Variants in HK1 observed in about 807,000 individuals in gnomAD.
The protein encoded by HK1 is hexokinase 1, also known as hexokinase-1.
In HK1, 28 loss-of-function variants were observed where a neutral mutation model predicts 91.6. The ratio of observed to expected loss-of-function variants is 0.31; its 90% CI spans 0.23 to 0.42. The LOEUF is 0.42. HK1 is among the 10% of genes least tolerant of loss of function. The pLI, the probability that HK1 is intolerant of heterozygous loss-of-function variation, is 1.00. For missense variants in HK1, 770 were observed against 1,219.8 expected, an observed-to-expected ratio of 0.63 and a Z score of 5.49; for synonymous variants, 430 against 468.1, an observed-to-expected ratio of 0.92 and a Z score of 1.05.
At chr10:69,293,301 G>A (rs1845380321) in intron 3 of HK1, among the ~76,000 whole-genome samples, 1 of 152,270 alleles carries the variant, frequency 6.6e-6, no homozygotes, top group Middle Eastern at 3.4e-3. Flanking sequence ...TGTGCCTGAG[G>A]TTCCCAGCCT....
At chr10:69,363,999 AAC>A (rs1242361810) in intron 3 of HK1, among the ~76,000 whole-genome samples, 1 of 152,216 alleles carries the variant, frequency 6.6e-6, no homozygotes, top group East Asian at 1.9e-4. Flanking sequence ...CGAGTGAAAG[AAC>A]ACAGACACCA....
At chr10:69,300,684 T>C (rs1443822115) in intron 4 of HK1, 4 of 846,360 alleles carry the variant, frequency 4.7e-6, no homozygotes, top group Admixed American at 1.9e-5. Flanking sequence ...TTCGCCAATA[T>C]AACCATGCTT....
At chr10:69,282,947 T>C (rs1470986128) in intron 2 of HK1, among the ~76,000 whole-genome samples, 1 of 139,466 alleles carries the variant, frequency 7.2e-6, no homozygotes, top group African/African-American at 2.6e-5. Flanking sequence ...TGAAACCCCT[T>C]CTCTACTAAA....
intron 8 of HK1, among the ~76,000 whole-genome samples, chr10:69,377,689 A>G (rs1839184763): frequency 6.6e-6 from 1 of 152,236 alleles, no homozygotes; most frequent in Non-Finnish European, 1.5e-5. Flanking sequence ...TATAAAGTAT[A>G]AAAATACAGA....
chr10:69,312,767 G>A (rs1846435651), upstream of HK1, among the ~76,000 whole-genome samples: 1 of 152,202 alleles, frequency 6.6e-6, no homozygotes. Context: ...TCAGATAACG[G>A]GAAGGGGAAG....
In HK1 at chr10:69,369,478, G is replaced by A. The variant is rs1255950920; in HGVS notation, c.729G>A (p.Arg243=). The change falls in exon 7 of 18, where the codon AGG becomes AGA. Residue 243 remains arginine, a synonymous_variant. Coordinates refer to ENST00000359426, the MANE Select transcript of HK1 (RefSeq NM_000188.3). The surrounding 1 kb of genome is among the most constrained non-coding windows in gnomAD (Gnocchi z 4.4). The stretch of plus-strand genomic sequence containing the variant: ...ATGCTTGCTACATGGAGGAACTGAG[G>A]CACATTGATCTGGTGGAAGGAGACG... The part of the protein sequence containing the change: ...GTNACYMEEL[R]HIDLVEGDEG... 2 of 1,614,200 alleles carry A rather than the reference G, an allele frequency of 1.2e-6. No individual in the cohort carries two copies. Among genetic ancestry groups the A allele is most frequent in the Non-Finnish European group, 1.7e-6 (2 of 1,180,042 alleles).
intron 1 of HK1, among the ~76,000 whole-genome samples, chr10:69,336,211 G>C (rs1358216076): frequency 6.6e-6 from 1 of 152,130 alleles, no homozygotes; most frequent in African/African-American, 2.4e-5. Flanking sequence ...GTTTTTTTGA[G>C]ATGGAGTTTC....
At chr10:69,289,461 A>ATTTTTTTT (rs67564699) in intron 3 of HK1, among the ~76,000 whole-genome samples, 1 of 112,786 alleles carries the variant, frequency 8.9e-6, no homozygotes, top group African/African-American at 3.9e-5. Context: ...AAAAAAAAAA[A>ATTTTTTTT]TTTTTTTTTT....
At chr10:69,319,169 A>G (rs1846857776) in intron 1 of HK1, 159 bp downstream of exon 1, 11 of 860,684 alleles carry the variant, frequency 1.3e-5, no homozygotes, top group Non-Finnish European at 2.0e-5. Context: ...CTTCGATTCT[A>G]CCGGCATTGT....
At chr10:69,309,204 CAG>C (rs1846242271) in intron 5 of HK1, among the ~76,000 whole-genome samples, 1 of 147,746 alleles carries the variant, frequency 6.8e-6, no homozygotes, top group Non-Finnish European at 1.5e-5. Flanking sequence ...TTTTTTGAGA[CAG>C]AGTCTCGCTC....
At chr10:69,335,850 C>T (rs754410137) in intron 1 of HK1, among the ~76,000 whole-genome samples, 1 of 152,186 alleles carries the variant, frequency 6.6e-6, no homozygotes. Flanking sequence ...GCCCTGTCAT[C>T]GGACCGGGAG....
intron 8 of HK1, among the ~76,000 whole-genome samples, chr10:69,378,345 C>T (rs1839220266): frequency 6.6e-6 from 1 of 151,848 alleles, no homozygotes; most frequent in African/African-American, 2.4e-5. Flanking sequence ...CCTACAAGAG[C>T]AGATGTTAGA....
At chr10:69,397,839 A>G (rs1840210314) in intron 16 of HK1, among the ~76,000 whole-genome samples, 1 of 152,232 alleles carries the variant, frequency 6.6e-6, no homozygotes, top group East Asian at 1.9e-4. Flanking sequence ...GCCAAAAAAC[A>G]AATGGAAAAA....
intron 2 of HK1, among the ~76,000 whole-genome samples, chr10:69,357,352 A>T (rs1240841533): frequency 6.6e-6 from 1 of 152,230 alleles, no homozygotes; most frequent in Admixed American, 6.5e-5. Context: ...AACAGCCATT[A>T]AAAGGGATAA....
chr10:69,401,615 T>C lies in HK1; in HGVS notation c.*480T>C. The stretch of plus-strand genomic sequence containing the variant: ...CGAGTGTGGGCATAGCATTAGCTGC[T>C]TCCTCCCCTCCTGGCACCCACTGTG... On this transcript the variant is annotated 3_prime_UTR_variant, in exon 18 of 18. Transcript: ENST00000359426. The C allele has an allele frequency of 2.5e-6, 1 of 395,934 alleles. No homozygotes were observed. The highest frequency in any genetic ancestry group is 5.0e-6 in the Non-Finnish European group (1 of 201,704). 24.5% of individuals were successfully genotyped at this position (395,934 alleles called of 1,614,324 possible). A position where few individuals can be genotyped will look rare whatever the true frequency, so the allele number is the denominator to read the frequency against.
chr10:69,356,659 C>T (rs1040346411), intron 2 of HK1, among the ~76,000 whole-genome samples: 2 of 151,902 alleles, frequency 1.3e-5, no homozygotes, highest in East Asian at 1.9e-4. Context: ...CCGACGCAGG[C>T]GGATCACAAG....
intron 4 of HK1, among the ~76,000 whole-genome samples, chr10:69,298,379 G>T (rs1009221608): frequency 5.3e-5 from 8 of 151,768 alleles, no homozygotes; most frequent in African/African-American, 1.9e-4. Flanking sequence ...TGTAATACCA[G>T]TGCTTTAAAA....
chr10:69,387,871 T>A (rs551060792), intron 13 of HK1, among the ~76,000 whole-genome samples: 2 of 99,382 alleles, frequency 2.0e-5, no homozygotes, highest in Admixed American at 2.2e-4. Flanking sequence ...GAGACTGTTT[T>A]AAATTTTTTT....
At chr10:69,391,748 G>A (rs1438656058) in intron 14 of HK1, among the ~76,000 whole-genome samples, 10 of 152,198 alleles carry the variant, frequency 6.6e-5, no homozygotes, top group African/African-American at 2.4e-4. Flanking sequence ...ATATTCATGT[G>A]TGCATGATGT....
Sources: gnomAD v4.1 joint callset for allele counts (sites outside exome capture counted in the v4.1 genomes callset) on GRCh38, gnomAD v4.1.1 for gene constraint, Gnocchi (gnomAD v3.1) non-coding constraint, MANE v1.5 for transcripts, NCBI Gene and HGNC (gene_info 2026-07-23, HGNC 2026-07-21) for gene names.